Variants in FGF1 observed in about 807,000 individuals in gnomAD.
The protein encoded by FGF1 is beta-endothelial cell growth factor.
A neutral mutation model predicts 13.4 loss-of-function variants in FGF1; 9 were observed. The observed-to-expected ratio is 0.67, with a 90% CI of 0.40 to 1.17. The LOEUF (loss-of-function observed/expected upper bound fraction) is 1.17. Among genes scored for constraint, FGF1 ranks in the 50% most tolerant of loss-of-function variants. The probability of loss-of-function intolerance (pLI) is 0.01; values close to 1 mark genes in which losing one functional copy is unlikely to be tolerated. For synonymous variants in FGF1, 93 were observed against 79.0 expected (o/e 1.18, Z -0.94); for missense variants, 156 against 192.7 (o/e 0.81, Z 1.13).
At chr5:142,646,550 G>A (rs531478567) in intron 1 of FGF1, among the ~76,000 whole-genome samples, 15 of 151,892 alleles carry the variant, frequency 9.9e-5, no homozygotes, top group South Asian at 2.1e-4. Flanking sequence ...GCGGGGTTTC[G>A]CCATGTTGGT....
chr5:142,670,683 C>T (rs1771290259), intron 1 of FGF1, among the ~76,000 whole-genome samples: 2 of 152,188 alleles, frequency 1.3e-5, no homozygotes, highest in Non-Finnish European at 2.9e-5. Context: ...CCACAAAAAC[C>T]TGACAGCAGT....
At chr5:142,631,003 C>T (rs1343591346) in intron 1 of FGF1, among the ~76,000 whole-genome samples, 5 of 152,114 alleles carry the variant, frequency 3.3e-5, no homozygotes, top group African/African-American at 9.7e-5. Flanking sequence ...ACACCTTCTG[C>T]GCAGCCCTCA....
At chr5:142,628,127 G>C (rs917182526) in intron 1 of FGF1, among the ~76,000 whole-genome samples, 1 of 152,198 alleles carries the variant, frequency 6.6e-6, no homozygotes, top group Admixed American at 6.5e-5. Flanking sequence ...TTGGAGGTGA[G>C]TTAAAATCTT....
chr5:142,678,492 TC>T (rs1371234217), intron 1 of FGF1, among the ~76,000 whole-genome samples: 2 of 152,118 alleles, frequency 1.3e-5, no homozygotes, highest in Non-Finnish European at 2.9e-5. Flanking sequence ...CCTTGCTGCT[TC>T]TTGGTGACAT....
At chr5:142,684,499 G>A (rs1020162633) in intron 1 of FGF1, among the ~76,000 whole-genome samples, 15 of 152,186 alleles carry the variant, frequency 9.9e-5, no homozygotes, top group African/African-American at 3.1e-4. Flanking sequence ...AAAGGCAGGG[G>A]CAACAGAAGA....
intron 1 of FGF1, 83 bp downstream of exon 1, chr5:142,685,863 CACACACACAAA>C (rs1751049484): frequency 7.1e-6 from 1 of 141,646 alleles, no homozygotes; most frequent in African/African-American, 2.7e-5. Context: ...TGCACTTGGA[CACACACACAAA>C]ACACACACAC....
intron 1 of FGF1, among the ~76,000 whole-genome samples, chr5:142,623,373 C>G (rs948421908): frequency 7.3e-5 from 11 of 149,712 alleles, no homozygotes; most frequent in African/African-American, 2.7e-4. Context: ...GAGACAGAGT[C>G]TCGTTCTGTC....
intron 3 of FGF1, among the ~76,000 whole-genome samples, chr5:142,599,326 T>C (rs890242102): frequency 6.6e-6 from 1 of 152,210 alleles, no homozygotes; most frequent in Admixed American, 6.5e-5. Context: ...CCTATTACGC[T>C]GATGATTTAA....
chr5:142,672,175 GA>G (rs1357307264), intron 1 of FGF1, among the ~76,000 whole-genome samples: 1 of 152,110 alleles, frequency 6.6e-6, no homozygotes, highest in Non-Finnish European at 1.5e-5. Context: ...GGAAAAAACT[GA>G]AAAGGCATAA....
intron 2 of FGF1, chr5:142,601,058 C>A (rs1756444528): frequency 1.7e-5 from 10 of 602,066 alleles, no homozygotes; most frequent in Non-Finnish European, 3.1e-5. Flanking sequence ...CCTGTCCACC[C>A]TGTTGGTTAC....
At chr5:142,629,405 C>A (rs969295793) in intron 1 of FGF1, among the ~76,000 whole-genome samples, 1 of 152,160 alleles carries the variant, frequency 6.6e-6, no homozygotes, top group Non-Finnish European at 1.5e-5. Context: ...CTTAAGCAGT[C>A]CTTCCACCCT....
chr5:142,677,431 T>G (rs1717172798), intron 1 of FGF1, among the ~76,000 whole-genome samples: 1 of 152,232 alleles, frequency 6.6e-6, no homozygotes, highest in South Asian at 2.1e-4. Flanking sequence ...TCTCTAAGCA[T>G]GAATAATACC....
chr5:142,690,694 T>A (rs1338160325), upstream of FGF1, among the ~76,000 whole-genome samples: 1 of 152,236 alleles, frequency 6.6e-6, no homozygotes, highest in Non-Finnish European at 1.5e-5. Flanking sequence ...CCTAACCCTC[T>A]ACAGTTCATT....
intron 2 of FGF1, among the ~76,000 whole-genome samples, chr5:142,694,056 C>G (rs186112232): frequency 3.3e-5 from 5 of 151,648 alleles, no homozygotes; most frequent in African/African-American, 7.3e-5. Context: ...AAGATTTACC[C>G]GAAGAATTTA....
intron 2 of FGF1, among the ~76,000 whole-genome samples, chr5:142,695,000 G>A (rs908147726): frequency 6.6e-6 from 1 of 152,080 alleles, no homozygotes; most frequent in Non-Finnish European, 1.5e-5. Context: ...TTAAACTCAG[G>A]CAGCAGGAAA....
Position 142,592,601 on chromosome 5 carries a change from A to AATGGGAATGTCCCC in FGF1, c.*2675_*2688dup. 1 of 396,288 alleles carries AATGGGAATGTCCCC rather than the reference A, an allele frequency of 2.5e-6. No homozygotes were observed. Among genetic ancestry groups the AATGGGAATGTCCCC allele is most frequent in the Non-Finnish European group, 4.4e-6 (1 of 225,018 alleles). 24.5% of individuals were successfully genotyped at this position (396,288 alleles called of 1,614,324 possible). A position where few individuals can be genotyped will look rare whatever the true frequency, so the allele number is the denominator to read the frequency against. On this transcript the variant is annotated 3_prime_UTR_variant, in exon 4 of 4. Transcript: ENST00000337706. The stretch of plus-strand genomic sequence containing the variant: ...GGCTATGAGACTTACTTAAGACAGC[A>AATGGGAATGTCCCC]ATGGGAATGTCCCCAGGTTAATAAA...
chr5:142,635,065 G>A (rs1198589011), intron 1 of FGF1, among the ~76,000 whole-genome samples: 2 of 152,040 alleles, frequency 1.3e-5, no homozygotes, highest in Non-Finnish European at 2.9e-5. Flanking sequence ...GGAAAGGCAG[G>A]GGCTGAATGT....
rs1354167674 is a variant in FGF1 at position 142,592,392 on chromosome 5, A to C, written c.*2898T>G. On this transcript the variant is annotated 3_prime_UTR_variant, in exon 4 of 4. Transcript: ENST00000337706. ...GACCTTCAGTACTAGCTGATGCTCCAATCAGTTTTTTGTTCATACACACTG... is the reference window on the plus strand; with the variant it reads ...GACCTTCAGTACTAGCTGATGCTCCCATCAGTTTTTTGTTCATACACACTG... 1 of 398,408 alleles carries C rather than the reference A, an allele frequency of 2.5e-6. No homozygotes were observed. The highest frequency in any genetic ancestry group is 4.4e-5 in the Admixed American group (1 of 22,704). 24.7% of individuals were successfully genotyped at this position (398,408 alleles called of 1,614,324 possible).
chr5:142,639,929 G>T (rs1474703416), intron 1 of FGF1, among the ~76,000 whole-genome samples: 1 of 151,950 alleles, frequency 6.6e-6, no homozygotes, highest in Non-Finnish European at 1.5e-5. Context: ...GATAAATGAT[G>T]ATCTGTCCCA....
Sources: allele counts gnomAD v4.1 joint callset (sites outside exome capture counted in the v4.1 genomes callset), GRCh38; gene constraint gnomAD v4.1.1; transcripts MANE v1.5; gene names NCBI Gene and HGNC (gene_info 2026-07-23, HGNC 2026-07-21).